The following UVRAG variants were observed in gnomAD, a reference collection of about 807,000 sequenced individuals.
UVRAG encodes the protein UV radiation resistance associated.
UVRAG carries 19 observed loss-of-function variants against 78.0 expected under a neutral mutation model. That is an observed-to-expected ratio of 0.24 (90% confidence interval 0.17 to 0.36). The LOEUF (loss-of-function observed/expected upper bound fraction) is 0.36, where lower values mean the gene tolerates loss of function less well. Ranked by LOEUF, UVRAG falls within the 10% of genes least tolerant of loss-of-function variation. The probability of loss-of-function intolerance (pLI) is 1.00; values close to 1 mark genes in which losing one functional copy is unlikely to be tolerated. For missense variants in UVRAG, 740 were observed against 853.8 expected (o/e 0.87, Z 1.66); for synonymous variants, 323 against 324.6 (o/e 1.00, Z 0.05).
chr11:75,998,298 TG>T (rs1159311845), intron 8 of UVRAG, among the ~76,000 whole-genome samples: 38 of 152,192 alleles, frequency 2.5e-4, no homozygotes. Context: ...CACTTATTCA[TG>T]GGTTTGAAAG....
intron 7 of UVRAG, chr11:75,979,964 T>A (rs978641643): frequency 2.0e-4 from 30 of 153,694 alleles, no homozygotes; most frequent in African/African-American, 7.0e-4. Context: ...ATCTTCTGCG[T>A]CGCTCACGCT....
intron 14 of UVRAG, chr11:76,137,304 G>A (rs922359687): frequency 1.1e-5 from 5 of 455,126 alleles, no homozygotes; most frequent in African/African-American, 1.0e-4. Context: ...AAGAACCCAC[G>A]CCAGGCTTAC....
chr11:76,052,013 C>T (rs994565087), intron 12 of UVRAG, among the ~76,000 whole-genome samples: 4 of 152,140 alleles, frequency 2.6e-5, no homozygotes, highest in African/African-American at 9.7e-5. Context: ...GCCTTCTTGC[C>T]AATCCTTGAA....
chr11:75,987,222 A>G (rs1235976495), intron 8 of UVRAG, among the ~76,000 whole-genome samples: 1 of 152,214 alleles, frequency 6.6e-6, no homozygotes. Context: ...TACCAACAAT[A>G]TATGAGGGTT....
intron 13 of UVRAG, among the ~76,000 whole-genome samples, chr11:76,070,575 C>T (rs1951284084): frequency 6.6e-6 from 1 of 152,042 alleles, no homozygotes. Context: ...TAAATTGATA[C>T]AATATAAAAT....
At chr11:76,112,351 T>C (rs578109391) in intron 13 of UVRAG, among the ~76,000 whole-genome samples, 1 of 152,248 alleles carries the variant, frequency 6.6e-6, no homozygotes, top group South Asian at 2.1e-4. Context: ...CAAACTATCA[T>C]TCAAGTATAA....
At chr11:76,102,370 C>G (rs534229890) in intron 13 of UVRAG, among the ~76,000 whole-genome samples, 12 of 152,040 alleles carry the variant, frequency 7.9e-5, no homozygotes, top group Non-Finnish European at 1.8e-4. Flanking sequence ...TGATTTAGCT[C>G]TTGGTTTGGC....
intron 12 of UVRAG, among the ~76,000 whole-genome samples, chr11:76,060,435 C>CT (rs1327575819): frequency 1.3e-5 from 2 of 152,246 alleles, no homozygotes; most frequent in Non-Finnish European, 1.5e-5. Flanking sequence ...CTCTCAGCGC[C>CT]TCTTCTGCCT....
At position 76,144,014 on chromosome 11, in the gene UVRAG, C is replaced by T. The variant is rs538333702; in HGVS notation, c.*2601C>T. Among the ~76,000 whole-genome samples, 6 of 152,272 alleles carry T rather than the reference C, an allele frequency of 3.9e-5. No individual in the cohort carries two copies. In the East Asian group the frequency reaches 1.2e-3, roughly 29 times the overall value. On this transcript the variant is annotated 3_prime_UTR_variant, in exon 15 of 15. Transcript: ENST00000356136. Reference sequence around the variant, plus strand: ...CTTCCCCTTAACCACTTTAGAAATTCCAGAGATTTTTTTCCCCTCAGAATA... The same window carrying T: ...CTTCCCCTTAACCACTTTAGAAATTTCAGAGATTTTTTTCCCCTCAGAATA...
rs956387398 is a variant in UVRAG at position 75,815,399 on chromosome 11, T to A, written c.-9T>A. 3 of 1,237,592 alleles carry A rather than the reference T, an allele frequency of 2.4e-6. No individual in the cohort carries two copies. Among genetic ancestry groups the A allele is most frequent in the African/African-American group, 1.6e-5 (1 of 64,274 alleles). The allele number at this position is 1,237,592 out of a possible 1,614,324, so 76.7% of individuals were successfully genotyped here. A position where few individuals can be genotyped will look rare whatever the true frequency, so the allele number is the denominator to read the frequency against. On this transcript the variant is annotated 5_prime_UTR_variant, in exon 1 of 15. Coordinates refer to ENST00000356136, the MANE Select transcript of UVRAG (RefSeq NM_003369.4). ...GCCCGCCCCGCCGCTTGGCGGCCCC[T>A]GGATCGAGATGAGCGCCTCCGCGTC...
At chr11:76,139,219 G>A (rs553571081) in intron 14 of UVRAG, among the ~76,000 whole-genome samples, 4 of 152,312 alleles carry the variant, frequency 2.6e-5, no homozygotes, top group African/African-American at 9.6e-5. Flanking sequence ...GAGACTGCAA[G>A]TATAATCCTG....
At chr11:76,019,977 G>A (rs2135376907) in intron 12 of UVRAG, among the ~76,000 whole-genome samples, 1 of 152,226 alleles carries the variant, frequency 6.6e-6, no homozygotes, top group Middle Eastern at 3.4e-3. Flanking sequence ...GGCAAAGACT[G>A]GAGTCCAAAA....
chr11:76,115,244 A>G (rs1952155299), intron 13 of UVRAG, among the ~76,000 whole-genome samples: 1 of 152,202 alleles, frequency 6.6e-6, no homozygotes, highest in Non-Finnish European at 1.5e-5. Flanking sequence ...CCAGAAATAA[A>G]TCAAACAAAG....
intron 12 of UVRAG, among the ~76,000 whole-genome samples, chr11:76,060,297 G>A (rs1470235): frequency 0.08 from 12,248 of 152,182 alleles, 1,019 homozygotes; most frequent in African/African-American, 0.22. Flanking sequence ...GATTTCAGTC[G>A]GTCTACTTTG....
At chr11:76,136,314 G>T (rs536544226) in intron 14 of UVRAG, among the ~76,000 whole-genome samples, 1 of 152,144 alleles carries the variant, frequency 6.6e-6, no homozygotes, top group East Asian at 1.9e-4. Context: ...ACAGCAGTTT[G>T]TTTTTTAATA....
intron 3 of UVRAG, among the ~76,000 whole-genome samples, chr11:75,874,132 A>G (rs1170787208): frequency 6.6e-6 from 1 of 152,176 alleles, no homozygotes; most frequent in Non-Finnish European, 1.5e-5. Flanking sequence ...TCTCTCAGAG[A>G]ATAGGGCATA....
chr11:76,006,112 C>T (rs1396304246), intron 9 of UVRAG, among the ~76,000 whole-genome samples: 1 of 152,092 alleles, frequency 6.6e-6, no homozygotes, highest in Non-Finnish European at 1.5e-5. Flanking sequence ...TAAGTCATCT[C>T]ATAGCATAAA....
chr11:76,105,821 T>G (rs1951958229), intron 13 of UVRAG, among the ~76,000 whole-genome samples: 1 of 152,168 alleles, frequency 6.6e-6, no homozygotes, highest in Non-Finnish European at 1.5e-5. Flanking sequence ...TGGCTAAAGT[T>G]TTAAAACTGA....
At chr11:76,004,404 T>C (rs1046903564) in intron 9 of UVRAG, among the ~76,000 whole-genome samples, 1 of 152,178 alleles carries the variant, frequency 6.6e-6, no homozygotes, top group African/African-American at 2.4e-5. Flanking sequence ...GTTTAGCTTA[T>C]AGGTTTTTTT....
Sources: gnomAD v4.1 joint callset for allele counts (sites outside exome capture counted in the v4.1 genomes callset) on GRCh38, gnomAD v4.1.1 for gene constraint, MANE v1.5 for transcripts, NCBI Gene and HGNC (gene_info 2026-07-23, HGNC 2026-07-21) for gene names.